The following VAT1L variants were observed in gnomAD, a reference collection of about 807,000 sequenced individuals.
VAT1L encodes the protein putative NADPH-dependent quinone oxidoreductase VAT1L.
Under a neutral mutation model 44.1 loss-of-function variants are expected in VAT1L, and 34 were observed. That is an observed-to-expected ratio of 0.77 (90% CI 0.59 to 1.03). The LOEUF (loss-of-function observed/expected upper bound fraction) is 1.03. Among genes scored for constraint, VAT1L ranks in the 50% least tolerant of loss-of-function variants. The pLI is 0.00. For synonymous variants in VAT1L, 253 were observed against 202.2 expected (o/e 1.25, Z -2.13); for missense variants, 615 against 538.8 (o/e 1.14, Z -1.40).
chr16:77,925,583 G>A lies in VAT1L; in HGVS notation c.1077+40781G>A, dbSNP rs544135492. ...CTTTCCACGTTCTAGCGTTTTCACT[G>A]CTTCCTTTAATAAAATGAACTCAGC... On this transcript the variant is annotated intron_variant, in intron 7 of 8. Coordinates refer to ENST00000302536, the MANE Select transcript of VAT1L (RefSeq NM_020927.3). 2.6e-5 allele frequency among the ~76,000 whole-genome samples: 4 copies of A among 152,260 alleles called. No homozygotes were observed. The East Asian group carries it at 7.7e-4, about 29-fold the overall frequency.
rs932228467 is a variant in VAT1L, at chr16:77,788,586, A to C, written c.-97A>C. The C allele has an allele frequency of 4.4e-6, 6 of 1,365,978 alleles. No individual in the cohort carries two copies. The highest frequency in any genetic ancestry group is 6.0e-6 in the Non-Finnish European group (6 of 999,486). The allele number at this position is 1,365,978 out of a possible 1,614,324, so 84.6% of individuals were successfully genotyped here. ...GCCATTGCACAGCCGAGCATCCCAC[A>C]TTCAACAGGAGGAACCCGCGGGAGA... On this transcript the variant is annotated 5_prime_UTR_variant, in exon 1 of 9. Coordinates refer to ENST00000302536, the MANE Select transcript of VAT1L (RefSeq NM_020927.3).
In VAT1L at chr16:77,821,388, T is replaced by C. The variant is rs373516966; in HGVS notation, c.364-3858T>C. Among the ~76,000 whole-genome samples the C allele has an allele frequency of 3.3e-5, 5 of 151,792 alleles. No individual in the cohort carries two copies. In the South Asian group the frequency reaches 1.0e-3, roughly 32 times the overall value. ...TGATCTCAGCTCACCACAACCTCTG[T>C]CTCACAGGTTCAAGCGATTCTCCTG... On this transcript the variant is annotated intron_variant, in intron 2 of 8. Coordinates refer to ENST00000302536, the MANE Select transcript of VAT1L (RefSeq NM_020927.3).
chr16:77,954,106 G>C (rs896003680), intron 7 of VAT1L, among the ~76,000 whole-genome samples: 1 of 152,134 alleles, frequency 6.6e-6, no homozygotes, highest in African/African-American at 2.4e-5. Flanking sequence ...CGGCCACATG[G>C]AGACAATGAA....
At chr16:77,862,720 T>G (rs766584465) in intron 3 of VAT1L, 28 bp from the exon 4 acceptor site, 1 of 1,608,854 alleles carries the variant, frequency 6.2e-7, no homozygotes, top group East Asian at 2.2e-5. Flanking sequence ...CTCCTATGTG[T>G]GACATAGCTA....
chr16:77,798,388 A>T (rs1187272757), intron 1 of VAT1L, among the ~76,000 whole-genome samples: 6 of 152,236 alleles, frequency 3.9e-5, no homozygotes. Flanking sequence ...AACCTTGGAA[A>T]AATGATTAAG....
At chr16:77,942,151 C>T (rs907804359) in intron 7 of VAT1L, among the ~76,000 whole-genome samples, 12 of 152,062 alleles carry the variant, frequency 7.9e-5, no homozygotes, top group African/African-American at 1.7e-4. Flanking sequence ...TTAATGGACT[C>T]ACAGTTCCAT....
At chr16:77,820,409 G>A (rs1567477023) in intron 2 of VAT1L, among the ~76,000 whole-genome samples, 1 of 152,186 alleles carries the variant, frequency 6.6e-6, no homozygotes, top group African/African-American at 2.4e-5. Context: ...TTTAGCTGAA[G>A]ACCAAACCCC....
intron 7 of VAT1L, among the ~76,000 whole-genome samples, chr16:77,887,834 C>A (rs1232592816): frequency 6.6e-6 from 1 of 152,186 alleles, no homozygotes; most frequent in African/African-American, 2.4e-5. Context: ...TAAACCAAAT[C>A]ATGTCCAACC....
chr16:77,807,787 G>C (rs1447876983), intron 1 of VAT1L, among the ~76,000 whole-genome samples: 37 of 152,104 alleles, frequency 2.4e-4, no homozygotes, highest in Admixed American at 2.4e-3. Flanking sequence ...AGGTGGTTGT[G>C]TTACTATCCC....
intron 7 of VAT1L, among the ~76,000 whole-genome samples, chr16:77,925,723 G>T (rs1346241201): frequency 6.6e-6 from 1 of 152,134 alleles, no homozygotes; most frequent in East Asian, 1.9e-4. Flanking sequence ...ACAGGAAATT[G>T]AAAGAATAAA....
chr16:77,939,149 C>G (rs186418570), intron 7 of VAT1L, among the ~76,000 whole-genome samples: 3 of 152,318 alleles, frequency 2.0e-5, no homozygotes, highest in African/African-American at 7.2e-5. Context: ...GCTAGCTAAA[C>G]AGAATTCGTG....
Position 77,945,646 on chromosome 16 carries a change from G to C in VAT1L, c.1078-26204G>C, listed in dbSNP as rs149372496. Among the ~76,000 whole-genome samples the C allele has an allele frequency of 1.9e-3, 292 of 152,016 alleles. 2 individuals are homozygous for C. Among genetic ancestry groups the C allele is most frequent in the African/African-American group, 6.5e-3 (269 of 41,458 alleles). On this transcript the variant is annotated intron_variant, in intron 7 of 8. Transcript: ENST00000302536. The stretch of plus-strand genomic sequence containing the variant: ...TAAGAAAAGTAGCACATATTCAACA[G>C]AGACATTTAAAACCATGTCCCTTCA...
intron 7 of VAT1L, among the ~76,000 whole-genome samples, chr16:77,887,374 T>A (rs1211465954): frequency 1.3e-5 from 2 of 152,118 alleles, no homozygotes; most frequent in African/African-American, 4.8e-5. Context: ...GAAGCTGAAA[T>A]TGCCAGGCAG....
intron 1 of VAT1L, among the ~76,000 whole-genome samples, chr16:77,797,058 C>T (rs966558189): frequency 4.0e-5 from 6 of 151,558 alleles, no homozygotes; most frequent in Admixed American, 6.6e-5. Flanking sequence ...ACTAAAGGCC[C>T]GGATTTCACC....
chr16:77,828,678 AT>A (rs1177942643), intron 3 of VAT1L, among the ~76,000 whole-genome samples: 3 of 152,044 alleles, frequency 2.0e-5, no homozygotes, highest in African/African-American at 4.8e-5. Context: ...AAATAAAAAA[AT>A]AAAAATAAAA....
chr16:77,854,004 T>C (rs1745240905), intron 3 of VAT1L, among the ~76,000 whole-genome samples: 1 of 152,032 alleles, frequency 6.6e-6, no homozygotes, highest in Admixed American at 6.6e-5. Flanking sequence ...GGCACGTGCC[T>C]GTAGTCCCAG....
intron 7 of VAT1L, among the ~76,000 whole-genome samples, chr16:77,942,729 G>A (rs1162738522): frequency 6.6e-6 from 1 of 151,976 alleles, no homozygotes; most frequent in Non-Finnish European, 1.5e-5. Context: ...TTTTGTTGTT[G>A]TTGTTGTTTT....
At chr16:77,946,253 T>C (rs1433129328) in intron 7 of VAT1L, among the ~76,000 whole-genome samples, 3 of 148,810 alleles carry the variant, frequency 2.0e-5, no homozygotes, top group African/African-American at 7.4e-5. Context: ...ACCACTCTCC[T>C]GTTCTGGACA....
intron 2 of VAT1L, among the ~76,000 whole-genome samples, chr16:77,818,681 A>G (rs766284265): frequency 1.3e-4 from 20 of 152,174 alleles, no homozygotes; most frequent in Non-Finnish European, 8.8e-5. Context: ...TTTCAATATG[A>G]CTTATCTTTT....
Sources: gnomAD v4.1 joint callset for allele counts (sites outside exome capture counted in the v4.1 genomes callset) on GRCh38, gnomAD v4.1.1 for gene constraint, MANE v1.5 for transcripts, NCBI Gene and HGNC (gene_info 2026-07-23, HGNC 2026-07-21) for gene names.